Variants in USP21 observed in about 807,000 individuals in gnomAD.
USP21 encodes the protein ubiquitin carboxyl-terminal hydrolase 21.
A neutral mutation model predicts 70.8 loss-of-function variants in USP21; 37 were observed. The ratio of observed to expected loss-of-function variants is 0.52; its 90% confidence interval spans 0.40 to 0.69. USP21 has a LOEUF of 0.69. USP21 is among the 30% of genes least tolerant of loss of function. The pLI, the probability that USP21 is intolerant of heterozygous loss-of-function variation, is 0.00. For missense variants in USP21, 584 were observed against 740.8 expected, an observed-to-expected ratio of 0.79 and a Z score of 2.46; for synonymous variants, 263 against 283.1, an observed-to-expected ratio of 0.93 and a Z score of 0.71.
rs1025718271 is a variant in USP21 at position 161,164,065 on chromosome 1, C to A, written c.1218+84C>A. ...CCACCCCCAGAGTGTGGGCGGGAAC[C>A]CTGTGGGTTTCTGGAGCAGAACTGA... is the stretch of plus-strand genomic sequence containing the variant. On this transcript the variant is annotated intron_variant, in intron 9 of 13. Coordinates refer to ENST00000368002, the MANE Select transcript of USP21 (RefSeq NM_001014443.3). This position sits in a 1 kb window ranked among gnomAD's most constrained non-coding sequence, Gnocchi z 4.2. 8.8e-6 allele frequency: 14 copies of A among 1,582,606 alleles called. No individual in the cohort carries two copies. The Admixed American group carries it at 2.3e-4, about 27-fold the overall frequency.
rs1657920127 is a variant in USP21, at chr1:161,161,372, C to T, written c.600+132C>T. On this transcript the variant is annotated intron_variant, in intron 3 of 13. Transcript: ENST00000368002. The surrounding 1 kb of genome is among the most constrained non-coding windows in gnomAD (Gnocchi z 4.2). The stretch of plus-strand genomic sequence containing the variant: ...CTTCATTACAGCAGTTTGGACATGC[C>T]TCTCCCTTGCTTAAATACCCTTGAG... 11 of 1,186,348 alleles carry T rather than the reference C, an allele frequency of 9.3e-6. No individual in the cohort carries two copies. Among genetic ancestry groups the T allele is most frequent in the East Asian group, 2.4e-5 (1 of 41,538 alleles). 73.5% of individuals were successfully genotyped at this position (1,186,348 alleles called of 1,614,324 possible).
rs779429015 is a variant in USP21 at position 161,160,870 on chromosome 1, G to A, written c.230G>A (p.Arg77His). The A allele has an allele frequency of 8.1e-6, 13 of 1,614,204 alleles. No homozygotes were observed. Among genetic ancestry groups the A allele is most frequent in the Admixed American group, 3.3e-5 (2 of 60,028 alleles). The change falls in exon 3 of 14, where the codon CGT becomes CAT. Residue 77 changes from arginine to histidine, a missense_variant. By Grantham distance (29) the Arg-to-His change is conservative. Transcript: ENST00000368002. ...GGACGGGGACGGACCTCAGGCCCTC[G>A]TCCCAGAGGCCCCCTTCGAGCAGAT... The part of the protein sequence containing the change: ...ELGRGRTSGP[R>H]PRGPLRADHG...
At position 161,160,854 on chromosome 1, in the gene USP21, C is replaced by G. The variant is rs753029463; in HGVS notation, c.214C>G (p.Arg72Gly). 1.9e-6 allele frequency: 3 copies of G among 1,614,242 alleles called. No homozygotes were observed. Among genetic ancestry groups the G allele is most frequent in the Admixed American group, 3.3e-5 (2 of 60,038 alleles). Reference protein sequence around the residue: ...RLKKLELGRGRTSGPRPRGPL... With the variant: ...RLKKLELGRGGTSGPRPRGPL... ...CAAGAAACTGGAGCTGGGACGGGGA[C>G]GGACCTCAGGCCCTCGTCCCAGAGG... Residue 72 changes from arginine (R) to glycine (G), a missense_variant, in exon 3 of 14, where the codon CGG (arginine) becomes GGG (glycine). Coordinates refer to ENST00000368002, the MANE Select transcript of USP21 (RefSeq NM_001014443.3).
chr1:161,162,887 G>C lies in USP21; in HGVS notation c.894-32G>C. 1 of 1,599,344 alleles carries C rather than the reference G, an allele frequency of 6.3e-7. No individual in the cohort carries two copies. Among genetic ancestry groups the C allele is most frequent in the Non-Finnish European group, 8.5e-7 (1 of 1,171,172 alleles). The stretch of plus-strand genomic sequence containing the variant: ...ATAGTGTCTGTGGACTAGGAGAGGA[G>C]TCAGTTGCCCATACTCTTTGTCTGG... On this transcript the variant is annotated intron_variant, in intron 6 of 13. Coordinates refer to ENST00000368002, the MANE Select transcript of USP21 (RefSeq NM_001014443.3). This position sits in a 1 kb window ranked among gnomAD's most constrained non-coding sequence, Gnocchi z 4.1.
In USP21 at chr1:161,160,487, A is replaced by G; in HGVS notation, c.-41A>G. On this transcript the variant is annotated 5_prime_UTR_variant, in exon 2 of 14. It removes the in-frame stop codon of an upstream open reading frame in the 5' UTR. Transcript: ENST00000368002. ...GAGCCAACCACCTAATGTGGAAATG[A>G]GAGGACAGCAAGATTGTGGGTATGG... 1.0e-6 allele frequency: 1 copy of G among 964,720 alleles called. No homozygotes were observed. Among genetic ancestry groups the G allele is most frequent in the South Asian group, 1.5e-5 (1 of 65,754 alleles). 59.8% of individuals were successfully genotyped at this position (964,720 alleles called of 1,614,324 possible). A position where few individuals can be genotyped will look rare whatever the true frequency, so the allele number is the denominator to read the frequency against.
rs1313249351 is a variant in USP21 at position 161,160,828 on chromosome 1, T to C, written c.188T>C (p.Leu63Pro). Residue 63 changes from leucine (L) to proline (P), a missense_variant, in exon 3 of 14, where the codon CTC (leucine) becomes CCC (proline). Coordinates refer to ENST00000368002, the MANE Select transcript of USP21 (RefSeq NM_001014443.3). Reference sequence around the variant, plus strand: ...CGGCCAGGTCTGCCTGATGAACGGCTCAAGAAACTGGAGCTGGGACGGGGA... The same window carrying C: ...CGGCCAGGTCTGCCTGATGAACGGCCCAAGAAACTGGAGCTGGGACGGGGA... ...PPRPGLPDERLKKLELGRGRT... is the reference protein window; with the variant it reads ...PPRPGLPDERPKKLELGRGRT... 1.2e-6 allele frequency: 2 copies of C among 1,614,186 alleles called. No homozygotes were observed. Among genetic ancestry groups the C allele is most frequent in the East Asian group, 2.2e-5 (1 of 44,880 alleles).
Position 161,162,497 on chromosome 1 carries a change from T to C in USP21, c.781+107T>C. Reference sequence around the variant, plus strand: ...CCCCAACCCTTAAATCTGGCAGTTGTATCTACTTTTCCCAGTGCCTACTTT... The same window carrying C: ...CCCCAACCCTTAAATCTGGCAGTTGCATCTACTTTTCCCAGTGCCTACTTT... On this transcript the variant is annotated intron_variant, in intron 5 of 13. Coordinates refer to ENST00000368002, the MANE Select transcript of USP21 (RefSeq NM_001014443.3). This position sits in a 1 kb window ranked among gnomAD's most constrained non-coding sequence, Gnocchi z 4.1. 9.0e-6 allele frequency: 14 copies of C among 1,549,830 alleles called. No homozygotes were observed. Among genetic ancestry groups the C allele is most frequent in the Middle Eastern group, 1.7e-4 (1 of 5,856 alleles).
chr1:161,160,358 G>A lies in USP21; in HGVS notation c.-162-8G>A. Reference sequence around the variant, plus strand: ...TAAGTATTTACTTTGTACCAAACACGATGCCAGGTACTGGGGATACGATGG... The same window carrying A: ...TAAGTATTTACTTTGTACCAAACACAATGCCAGGTACTGGGGATACGATGG... On this transcript the variant is annotated splice_polypyrimidine_tract_variant and splice_region_variant and intron_variant, in intron 1 of 13. Coordinates refer to ENST00000368002, the MANE Select transcript of USP21 (RefSeq NM_001014443.3). The A allele has an allele frequency of 2.0e-6, 1 of 501,802 alleles. No individual in the cohort carries two copies. Among genetic ancestry groups the A allele is most frequent in the African/African-American group, 1.9e-5 (1 of 52,088 alleles). The allele number at this position is 501,802 out of a possible 1,614,324, so 31.1% of individuals were successfully genotyped here.
rs1226700989 is a variant in USP21 at position 161,162,411 on chromosome 1, C to T, written c.781+21C>T. The T allele has an allele frequency of 2.5e-6, 4 of 1,588,134 alleles. No individual in the cohort carries two copies. Among genetic ancestry groups the T allele is most frequent in the East Asian group, 4.5e-5 (2 of 44,654 alleles). On this transcript the variant is annotated intron_variant, in intron 5 of 13. Transcript: ENST00000368002. This position sits in a 1 kb window ranked among gnomAD's most constrained non-coding sequence, Gnocchi z 4.1. ...TGAAGGTGGGGCAACAACTCCTGCT[C>T]CCTCTGTTCAAGTCCCTTTTTCCCC...
rs1245839165 is a variant in USP21, at chr1:161,162,315, C to G, written c.706C>G (p.Leu236Val). 2 of 1,613,530 alleles carry G rather than the reference C, an allele frequency of 1.2e-6. No individual in the cohort carries two copies. The highest frequency in any genetic ancestry group is 1.7e-6 in the Non-Finnish European group (2 of 1,179,786). Residue 236 changes from leucine to valine, a missense_variant, in exon 5 of 14, where the codon CTT becomes GTT. Around this residue, in one of 4 missense-constraint regions of USP21, gnomAD observed 87 missense variants for 162.4 expected, o/e 0.54. Coordinates refer to ENST00000368002, the MANE Select transcript of USP21 (RefSeq NM_001014443.3). This position sits in a 1 kb window ranked among gnomAD's most constrained non-coding sequence, Gnocchi z 4.1. The stretch of plus-strand genomic sequence containing the variant: ...GCAGTGTCTGAGCAGCACTCGACCT[C>G]TTCGGGACTTCTGTCTGAGAAGGGA... ...VLQCLSSTRP[L>V]RDFCLRRDFR...
Position 161,162,996 on chromosome 1 carries a change from C to T in USP21, c.971C>T (p.Ala324Val). The T allele has an allele frequency of 6.2e-7, 1 of 1,613,990 alleles. No individual in the cohort carries two copies. Among genetic ancestry groups the T allele is most frequent in the South Asian group, 1.1e-5 (1 of 91,064 alleles). The change falls in exon 7 of 14, where the codon GCT becomes GTT. Residue 324 changes from alanine (A) to valine (V), a missense_variant. This residue lies in a region of USP21 where 87 missense variants were observed against 162.4 expected (regional missense o/e 0.54). Transcript: ENST00000368002. This position sits in a 1 kb window ranked among gnomAD's most constrained non-coding sequence, Gnocchi z 4.1. ...HLEINRRGRR[A>V]PPILANGPVP... ...GAAATCAACCGCCGAGGCCGCCGGG[C>T]TCCACCGATACTTGCCAATGGTCCA...
Position 161,164,404 on chromosome 1 carries a change from G to T in USP21, c.1306-130G>T. 7.5e-7 allele frequency: 1 copy of T among 1,332,588 alleles called. No homozygotes were observed. The highest frequency in any genetic ancestry group is 2.4e-5 in the East Asian group (1 of 41,848). The allele number at this position is 1,332,588 out of a possible 1,614,324, so 82.5% of individuals were successfully genotyped here. ...TCAGATCTGTTCTAGTACTCCTAGA[G>T]CAAAGGGGAGAAGCCAAGAGGATCC... is the stretch of plus-strand genomic sequence containing the variant. On this transcript the variant is annotated intron_variant, in intron 10 of 13. Transcript: ENST00000368002. This position sits in a 1 kb window ranked among gnomAD's most constrained non-coding sequence, Gnocchi z 4.2.
chr1:161,164,615 A>ATCC lies in USP21; in HGVS notation c.1384+5_1384+7dup, dbSNP rs1395312494. The ATCC allele has an allele frequency of 6.2e-7, 1 of 1,614,020 alleles. No individual in the cohort carries two copies. The highest frequency in any genetic ancestry group is 2.2e-5 in the East Asian group (1 of 44,898). On this transcript the variant is annotated splice_donor_region_variant and intron_variant, in intron 11 of 13. Transcript: ENST00000368002. The surrounding 1 kb of genome is among the most constrained non-coding windows in gnomAD (Gnocchi z 4.2). ...ATTCCCTCGAATCCTCGTGCTCCAT[A>ATCC]TCCTAATCTTCAGATTCTTACTTCT...
At chr1:161,163,165 G>A in intron 7 of USP21, 91 bp downstream of exon 7, 1 of 1,443,038 alleles carries the variant, frequency 6.9e-7, no homozygotes, top group East Asian at 2.3e-5. Context: ...TGAAGATGTA[G>A]GGTCCAGGGA....
rs773091334 is a variant in USP21, at chr1:161,163,559, G to A, written c.1054G>A (p.Asp352Asn). ...ACTTCCTTTGATCTGTGGTAGTGAT[G>A]ATGACCGAGCCAACCTAATGTGGAA... The part of the protein sequence containing the change: ...ALLEEPELSD[D>N]DRANLMWKRY... Residue 352 changes from aspartate (D) to asparagine (N), a missense_variant, in exon 8 of 14, where the codon GAT becomes AAT. Coordinates refer to ENST00000368002, the MANE Select transcript of USP21 (RefSeq NM_001014443.3). 18 of 1,613,828 alleles carry A rather than the reference G, an allele frequency of 1.1e-5. No individual in the cohort carries two copies. The highest frequency in any genetic ancestry group is 1.4e-5 in the Non-Finnish European group (16 of 1,179,970).
Position 161,161,367 on chromosome 1 carries a change from C to A in USP21, c.600+127C>A, listed in dbSNP as rs1657919172. On this transcript the variant is annotated intron_variant, in intron 3 of 13. Coordinates refer to ENST00000368002, the MANE Select transcript of USP21 (RefSeq NM_001014443.3). The surrounding 1 kb of genome is among the most constrained non-coding windows in gnomAD (Gnocchi z 4.2). ...CAGCCCTTCATTACAGCAGTTTGGA[C>A]ATGCCTCTCCCTTGCTTAAATACCC... is the stretch of plus-strand genomic sequence containing the variant. 1 of 1,233,866 alleles carries A rather than the reference C, an allele frequency of 8.1e-7. No individual in the cohort carries two copies. Among genetic ancestry groups the A allele is most frequent in the Non-Finnish European group, 1.1e-6 (1 of 898,002 alleles). 76.4% of individuals were successfully genotyped at this position (1,233,866 alleles called of 1,614,324 possible). A position where few individuals can be genotyped will look rare whatever the true frequency, so the allele number is the denominator to read the frequency against.
In USP21 at chr1:161,161,104, C is replaced by G. The variant is rs751515613; in HGVS notation, c.464C>G (p.Thr155Ser). The stretch of plus-strand genomic sequence containing the variant: ...GAGCCACCCACTTTGAGACGTAGCA[C>G]TTCTCTCCGCCGCCTAGGGGGCTTT... ...RPEPPTLRRS[T>S]SLRRLGGFPG... The change falls in exon 3 of 14, where the codon ACT (threonine) becomes AGT (serine). Residue 155 changes from threonine (T) to serine (S), a missense_variant. Thr to Ser is a moderately conservative substitution (Grantham distance 58). This residue lies in a region of USP21 where 284 missense variants were observed against 281.0 expected (regional missense o/e 1.01). Transcript: ENST00000368002. This position sits in a 1 kb window ranked among gnomAD's most constrained non-coding sequence, Gnocchi z 4.2. The G allele has an allele frequency of 1.2e-6, 2 of 1,614,256 alleles. No individual in the cohort carries two copies. Among genetic ancestry groups the G allele is most frequent in the Non-Finnish European group, 1.7e-6 (2 of 1,180,036 alleles).
rs1571282980 is a variant in USP21 at position 161,162,373 on chromosome 1, C to G, written c.764C>G (p.Ala255Gly). The G allele has an allele frequency of 6.8e-6, 11 of 1,609,998 alleles. No homozygotes were observed. The highest frequency in any genetic ancestry group is 1.7e-5 in the Admixed American group (1 of 59,316). ...CAAGAGGTGCCTGGAGGAGGCCGAG[C>G]CCAAGAGCTCACTGAAGGTGGGGCA... ...FRQEVPGGGR[A>G]QELTEAFADV... Residue 255 changes from alanine (A) to glycine (G), a missense_variant, in exon 5 of 14, where the codon GCC becomes GGC. By Grantham distance (60) the Ala-to-Gly change is moderately conservative. This residue lies in a region of USP21 where 87 missense variants were observed against 162.4 expected (regional missense o/e 0.54). Transcript: ENST00000368002. The surrounding 1 kb of genome is among the most constrained non-coding windows in gnomAD (Gnocchi z 4.1).
rs1231920757 is a variant in USP21 at position 161,161,192 on chromosome 1, C to T, written c.552C>T (p.His184=). The T allele has an allele frequency of 6.2e-7, 1 of 1,613,018 alleles. No individual in the cohort carries two copies. Among genetic ancestry groups the T allele is most frequent in the East Asian group, 2.2e-5 (1 of 44,868 alleles). ...CCCCTGCTTCCCATGGCTCCTTCCA[C>T]ATGATATCCGCCCGGTCCTCTGAGC... ...TEPPASHGSF[H]MISARSSEPF... Residue 184 remains histidine (H), a synonymous_variant, in exon 3 of 14, where the codon CAC becomes CAT. Transcript: ENST00000368002. This position sits in a 1 kb window ranked among gnomAD's most constrained non-coding sequence, Gnocchi z 4.2.
Sources: gnomAD v4.1 joint callset for allele counts on GRCh38, gnomAD v4.1.1 for gene constraint, gnomAD v4.1.1 regional missense constraint, Gnocchi (gnomAD v3.1) non-coding constraint, MANE v1.5 for transcripts, NCBI Gene and HGNC (gene_info 2026-07-23, HGNC 2026-07-21) for gene names.